The following PKNOX2 variants were observed in gnomAD, a reference collection of about 807,000 sequenced individuals.
PKNOX2 encodes the protein homeobox protein PKNOX2.
PKNOX2 carries 14 observed loss-of-function variants against 53.1 expected under a neutral mutation model. The ratio of observed to expected loss-of-function variants is 0.26; its 90% CI spans 0.17 to 0.41. PKNOX2 has a LOEUF of 0.41. Ranked by LOEUF, PKNOX2 falls within the 10% of genes least tolerant of loss-of-function variation. PKNOX2 has a pLI of 1.00. For missense variants in PKNOX2, 496 were observed against 602.8 expected (o/e 0.82, Z 1.85); for synonymous variants, 257 against 242.8 (o/e 1.06, Z -0.54).
intron 2 of PKNOX2, among the ~76,000 whole-genome samples, chr11:125,328,008 G>A (rs551958442): frequency 4.6e-5 from 7 of 152,270 alleles, no homozygotes; most frequent in East Asian, 1.9e-4. Flanking sequence ...CCTCTGTGTC[G>A]TCTTGGGGTG....
chr11:125,427,405 G>A (rs553564596), intron 10 of PKNOX2, among the ~76,000 whole-genome samples: 35 of 152,268 alleles, frequency 2.3e-4, no homozygotes, highest in African/African-American at 6.3e-4. Context: ...TTCATCTGGG[G>A]GATGCTGAGG....
intron 1 of PKNOX2, among the ~76,000 whole-genome samples, chr11:125,197,474 C>A (rs983065987): frequency 2.0e-5 from 3 of 152,138 alleles, no homozygotes. Context: ...CCTGGGGACC[C>A]ACAGAAACCT....
intron 1 of PKNOX2, among the ~76,000 whole-genome samples, chr11:125,168,867 T>C (rs1004857579): frequency 1.3e-5 from 2 of 152,244 alleles, no homozygotes; most frequent in African/African-American, 4.8e-5. Context: ...AAACAACCAA[T>C]AAAATTTATA....
chr11:125,419,744 T>C (rs1956073157), intron 10 of PKNOX2, among the ~76,000 whole-genome samples: 1 of 151,768 alleles, frequency 6.6e-6, no homozygotes, highest in Non-Finnish European at 1.5e-5. Flanking sequence ...AAGATCAGCT[T>C]CATGGGAAGA....
At chr11:125,247,071 G>C (rs1943618229) in intron 2 of PKNOX2, among the ~76,000 whole-genome samples, 1 of 152,082 alleles carries the variant, frequency 6.6e-6, no homozygotes, top group African/African-American at 2.4e-5. Context: ...AGGCACAGCA[G>C]GGTTAGCCTG....
At chr11:125,262,053 G>A (rs113912295) in intron 2 of PKNOX2, among the ~76,000 whole-genome samples, 6 of 152,288 alleles carry the variant, frequency 3.9e-5, no homozygotes, top group African/African-American at 1.4e-4. Context: ...GGCACCTGGA[G>A]GGGAAGAGCA....
At chr11:125,297,634 G>A (rs1355258417) in intron 2 of PKNOX2, among the ~76,000 whole-genome samples, 6 of 152,202 alleles carry the variant, frequency 3.9e-5, no homozygotes, top group African/African-American at 1.2e-4. Context: ...CGTACCTGGT[G>A]TATGGGTCCT....
intron 1 of PKNOX2, among the ~76,000 whole-genome samples, chr11:125,182,844 C>T (rs1311372036): frequency 6.6e-6 from 1 of 152,218 alleles, no homozygotes; most frequent in African/African-American, 2.4e-5. Flanking sequence ...TGGAGAACTG[C>T]TCCTGTCCCT....
intron 3 of PKNOX2, among the ~76,000 whole-genome samples, chr11:125,346,792 AG>A (rs142511728): frequency 0.06 from 9,092 of 151,106 alleles, 916 homozygotes; most frequent in African/African-American, 0.21. Context: ...AGGGACAGGA[AG>A]GGAGGAAGGA....
chr11:125,430,203 G>C (rs1382723846), intron 12 of PKNOX2, 62 bp downstream of exon 12: 1 of 1,559,306 alleles, frequency 6.4e-7, no homozygotes, highest in Non-Finnish European at 8.7e-7. Context: ...AGCTTCTTCA[G>C]GTCAAGCCGT....
At chr11:125,211,031 C>G (rs535566965) in intron 1 of PKNOX2, among the ~76,000 whole-genome samples, 91 of 152,272 alleles carry the variant, frequency 6.0e-4, no homozygotes, top group African/African-American at 1.9e-3. Flanking sequence ...TGAGACGATG[C>G]TTGTCGGTCA....
intron 6 of PKNOX2, among the ~76,000 whole-genome samples, chr11:125,392,710 A>G (rs570309118): frequency 6.6e-6 from 1 of 152,306 alleles, no homozygotes; most frequent in Admixed American, 6.5e-5. Flanking sequence ...ATTTAAAATA[A>G]ATGAATAGGT....
rs565375685 is a variant in PKNOX2 at position 125,385,704 on chromosome 11, C to A, written c.381C>A (p.Asp127Glu). Residue 127 changes from aspartate (D) to glutamate (E), a missense_variant, in exon 6 of 13, where the codon GAC becomes GAA. Asp to Glu is a conservative substitution (Grantham distance 45). This residue lies in a region of PKNOX2 where 168 missense variants were observed against 178.4 expected (regional missense o/e 0.94). Coordinates refer to ENST00000298282, the MANE Select transcript of PKNOX2 (RefSeq NM_001382323.2). The stretch of plus-strand genomic sequence containing the variant: ...AGCACAAACCCTTCTTCAGCGATGA[C>A]CCAGAACTGGACAATCTGGTAAAGA... ...EQEHKPFFSD[D>E]PELDNLMVKA... 6.2e-7 allele frequency: 1 copy of A among 1,613,792 alleles called. No individual in the cohort carries two copies. The highest frequency in any genetic ancestry group is 2.2e-5 in the East Asian group (1 of 44,846).
rs1262300149 is a variant in PKNOX2 at position 125,253,678 on chromosome 11, A to T, written c.-130+18563A>T. On this transcript the variant is annotated intron_variant, in intron 2 of 12. Coordinates refer to ENST00000298282, the MANE Select transcript of PKNOX2 (RefSeq NM_001382323.2). Reference sequence around the variant, plus strand: ...TTTTCCCAAGGAAGGATCCTGGCTCACTCATCTCTATCACTGGCACCCAGC... The same window carrying T: ...TTTTCCCAAGGAAGGATCCTGGCTCTCTCATCTCTATCACTGGCACCCAGC... Among the ~76,000 whole-genome samples, 3 of 152,140 alleles carry T rather than the reference A, an allele frequency of 2.0e-5. 1 individual carries two copies. The Middle Eastern group carries it at 0.01, about 517-fold the overall frequency.
At position 125,240,086 on chromosome 11, in the gene PKNOX2, C is replaced by T. The variant is rs886563927; in HGVS notation, c.-130+4971C>T. The T allele has an allele frequency of 2.6e-5, 4 of 152,092 alleles. No homozygotes were observed. The highest frequency in any genetic ancestry group is 4.4e-5 in the Non-Finnish European group (3 of 68,030). The allele number at this position is 152,092 out of a possible 1,614,324, so 9.4% of individuals were successfully genotyped here. ...TCAAGGCACTTTAGCAGGAATCTGG[C>T]GGCAGAGAGGCCGATTGATGAGATG... On this transcript the variant is annotated intron_variant, in intron 2 of 12. Coordinates refer to ENST00000298282, the MANE Select transcript of PKNOX2 (RefSeq NM_001382323.2). The surrounding 1 kb of genome is among the most constrained non-coding windows in gnomAD (Gnocchi z 4.3).
At chr11:125,296,454 G>C (rs1336684797) in intron 2 of PKNOX2, among the ~76,000 whole-genome samples, 3 of 152,058 alleles carry the variant, frequency 2.0e-5, no homozygotes, top group Non-Finnish European at 2.9e-5. Flanking sequence ...TGCCCACATT[G>C]GTCGCCTCAG....
In PKNOX2 at chr11:125,320,306, C is replaced by T. The variant is rs182048975; in HGVS notation, c.-129-11513C>T. On this transcript the variant is annotated intron_variant, in intron 2 of 12. Coordinates refer to ENST00000298282, the MANE Select transcript of PKNOX2 (RefSeq NM_001382323.2). The stretch of plus-strand genomic sequence containing the variant: ...AACACAGCAGAGATTCAGGAGGTTA[C>T]GACCACTTTGATCATTATAGACCCA... 2.5e-3 allele frequency among the ~76,000 whole-genome samples: 374 copies of T among 152,194 alleles called. 2 individuals are homozygous for T. Among genetic ancestry groups the T allele is most frequent in the Non-Finnish European group, 1.9e-3 (131 of 68,012 alleles).
chr11:125,216,221 TCAGAGGACTGCAGAGCCATGAGTAGC>T (rs1940477512), intron 1 of PKNOX2, among the ~76,000 whole-genome samples: 1 of 152,220 alleles, frequency 6.6e-6, no homozygotes, highest in Non-Finnish European at 1.5e-5. Context: ...CTACCAGGGC[TCAGAGGACTGCAGAGCCATGAGTAGC>T]CAGAGGACTA....
At chr11:125,415,984 C>T (rs1014509337) in intron 10 of PKNOX2, among the ~76,000 whole-genome samples, 1 of 152,182 alleles carries the variant, frequency 6.6e-6, no homozygotes, top group African/African-American at 2.4e-5. Flanking sequence ...TATACTGTAA[C>T]ATCTATAAAT....
Sources: gnomAD v4.1 joint callset for allele counts (sites outside exome capture counted in the v4.1 genomes callset) on GRCh38, gnomAD v4.1.1 for gene constraint, gnomAD v4.1.1 regional missense constraint, Gnocchi (gnomAD v3.1) non-coding constraint, MANE v1.5 for transcripts, NCBI Gene and HGNC (gene_info 2026-07-23, HGNC 2026-07-21) for gene names.